Variants in ARTN observed in about 807,000 individuals in gnomAD.
ARTN encodes neublastin.
ARTN carries 9 observed loss-of-function variants against 15.4 expected under a neutral mutation model. The ratio of observed to expected loss-of-function variants is 0.58; its 90% CI spans 0.35 to 1.02. The LOEUF (loss-of-function observed/expected upper bound fraction) is 1.02. Among genes scored for constraint, ARTN ranks in the 50% least tolerant of loss-of-function variants. The pLI is 0.02. For synonymous variants in ARTN, 163 were observed against 155.8 expected (o/e 1.05, Z -0.35); for missense variants, 284 against 327.9 (o/e 0.87, Z 1.03).
Position 43,936,861 on chromosome 1 carries a change from A to G in ARTN, c.*96A>G. On this transcript the variant is annotated 3_prime_UTR_variant, in exon 5 of 5. Coordinates refer to ENST00000372359, the MANE Select transcript of ARTN (RefSeq NM_057091.3). The surrounding 1 kb of genome is among the most constrained non-coding windows in gnomAD (Gnocchi z 6.6). The stretch of plus-strand genomic sequence containing the variant: ...GTCCCACTAGCCAGCGGCCTCAGCC[A>G]GGGACGAAGGCCTCAAAGCTGAGAG... 2 of 1,320,320 alleles carry G rather than the reference A, an allele frequency of 1.5e-6. No individual in the cohort carries two copies. Among genetic ancestry groups the G allele is most frequent in the Non-Finnish European group, 1.9e-6 (2 of 1,029,986 alleles). The allele number at this position is 1,320,320 out of a possible 1,614,324, so 81.8% of individuals were successfully genotyped here. A position where few individuals can be genotyped will look rare whatever the true frequency, so the allele number is the denominator to read the frequency against.
rs773215597 is a variant in ARTN, at chr1:43,935,654, G to C, written c.-3G>C. Reference sequence around the variant, plus strand: ...CTGATGGGCGCTCCTGGTGTTGATAGAGATGGAACTTGGACTTGGAGGCCT... The same window carrying C: ...CTGATGGGCGCTCCTGGTGTTGATACAGATGGAACTTGGACTTGGAGGCCT... On this transcript the variant is annotated 5_prime_UTR_variant, in exon 3 of 5. Transcript: ENST00000372359. The C allele has an allele frequency of 1.2e-6, 2 of 1,613,434 alleles. No individual in the cohort carries two copies. Among genetic ancestry groups the C allele is most frequent in the African/African-American group, 1.3e-5 (1 of 74,912 alleles).
chr1:43,936,647 C>A lies in ARTN; in HGVS notation c.545C>A (p.Pro182His). 1 of 1,595,056 alleles carries A rather than the reference C, an allele frequency of 6.3e-7. No individual in the cohort carries two copies. Among genetic ancestry groups the A allele is most frequent in the Non-Finnish European group, 8.5e-7 (1 of 1,171,384 alleles). The stretch of plus-strand genomic sequence containing the variant: ...CTGCGACCGCCCCCGGGCTCCCGGC[C>A]CGTCAGCCAGCCCTGCTGCCGACCC... ...GALRPPPGSR[P>H]VSQPCCRPTR... Residue 182 changes from proline to histidine, a missense_variant, in exon 5 of 5, where the codon CCC becomes CAC. Pro to His is a moderately conservative substitution (Grantham distance 77). Transcript: ENST00000372359. This position sits in a 1 kb window ranked among gnomAD's most constrained non-coding sequence, Gnocchi z 6.6.
At position 43,936,459 on chromosome 1, in the gene ARTN, G is replaced by C. The variant is rs2085098187; in HGVS notation, c.357G>C (p.Gly119=). Residue 119 remains glycine, a synonymous_variant, in exon 5 of 5, where the codon GGG becomes GGC. Transcript: ENST00000372359. The surrounding 1 kb of genome is among the most constrained non-coding windows in gnomAD (Gnocchi z 6.6). ...GGPGSRARAA[G]ARGCRLRSQL... ...CGGGCAGCCGCGCTCGGGCAGCGGG[G>C]GCGCGGGGCTGCCGCCTGCGCTCGC... The C allele has an allele frequency of 8.5e-7, 1 of 1,175,370 alleles. No individual in the cohort carries two copies. The highest frequency in any genetic ancestry group is 1.6e-5 in the African/African-American group (1 of 61,856). The allele number at this position is 1,175,370 out of a possible 1,614,324, so 72.8% of individuals were successfully genotyped here. A position where few individuals can be genotyped will look rare whatever the true frequency, so the allele number is the denominator to read the frequency against.
chr1:43,936,480 C>G lies in ARTN; in HGVS notation c.378C>G (p.Arg126=). ...CGGGGGCGCGGGGCTGCCGCCTGCG[C>G]TCGCAGCTGGTGCCGGTGCGCGCGC... ...RAAGARGCRL[R]SQLVPVRALG... Residue 126 remains arginine (R), a synonymous_variant, in exon 5 of 5, where the codon CGC becomes CGG. Transcript: ENST00000372359. This position sits in a 1 kb window ranked among gnomAD's most constrained non-coding sequence, Gnocchi z 6.6. 1 of 1,268,660 alleles carries G rather than the reference C, an allele frequency of 7.9e-7. No individual in the cohort carries two copies. The highest frequency in any genetic ancestry group is 9.9e-7 in the Non-Finnish European group (1 of 1,007,366). 78.6% of individuals were successfully genotyped at this position (1,268,660 alleles called of 1,614,324 possible).
At position 43,936,152 on chromosome 1, in the gene ARTN, C is replaced by T; in HGVS notation, c.120C>T (p.Ser40=). Residue 40 remains serine (S), a synonymous_variant, in exon 4 of 5, where the codon TCC becomes TCT. Transcript: ENST00000372359. The surrounding 1 kb of genome is among the most constrained non-coding windows in gnomAD (Gnocchi z 6.6). ...LALLSSVAEA[S]LGSAPRSPAP... ...TGCTGAGCAGCGTCGCAGAGGCCTC[C>T]CTGGGCTCCGCGCCCCGCAGCCCTG... The T allele has an allele frequency of 6.3e-7, 1 of 1,588,392 alleles. No individual in the cohort carries two copies. The highest frequency in any genetic ancestry group is 8.5e-7 in the Non-Finnish European group (1 of 1,173,492).
Position 43,935,554 on chromosome 1 carries a change from C to T in ARTN, c.-67-36C>T, listed in dbSNP as rs922733370. On this transcript the variant is annotated intron_variant, in intron 2 of 4. Transcript: ENST00000372359. Reference sequence around the variant, plus strand: ...GGAGAAACTGGGGTGGCAGGCCGGTCCCCCACAAAAGATAACTCATCTCTT... The same window carrying T: ...GGAGAAACTGGGGTGGCAGGCCGGTTCCCCACAAAAGATAACTCATCTCTT... 16 of 1,243,538 alleles carry T rather than the reference C, an allele frequency of 1.3e-5. No homozygotes were observed. The Admixed American group carries it at 3.5e-4, about 28-fold the overall frequency. The allele number at this position is 1,243,538 out of a possible 1,614,324, so 77.0% of individuals were successfully genotyped here.
intron 2 of ARTN, among the ~76,000 whole-genome samples, chr1:43,935,131 C>A (rs932871897): frequency 2.0e-5 from 3 of 152,152 alleles, no homozygotes; most frequent in Non-Finnish European, 4.4e-5. Context: ...GGCTCACTAT[C>A]ATTAGATAAC....
chr1:43,936,804 G>A lies in ARTN; in HGVS notation c.*39G>A, dbSNP rs781736783. On this transcript the variant is annotated 3_prime_UTR_variant, in exon 5 of 5. Transcript: ENST00000372359. The surrounding 1 kb of genome is among the most constrained non-coding windows in gnomAD (Gnocchi z 6.6). ...GGCTTTGCAGACTGGACCCTTACCG[G>A]TGGCTCTTCCTGCCTGGGACCCTCC... 4 of 1,393,430 alleles carry A rather than the reference G, an allele frequency of 2.9e-6. No individual in the cohort carries two copies. Among genetic ancestry groups the A allele is most frequent in the Non-Finnish European group, 3.8e-6 (4 of 1,066,330 alleles). 86.3% of individuals were successfully genotyped at this position (1,393,430 alleles called of 1,614,324 possible).
chr1:43,936,336 C>A lies in ARTN; in HGVS notation c.234C>A (p.Ala78=). 1 of 1,330,144 alleles carries A rather than the reference C, an allele frequency of 7.5e-7. No homozygotes were observed. The highest frequency in any genetic ancestry group is 2.0e-5 in the South Asian group (1 of 49,120). 82.4% of individuals were successfully genotyped at this position (1,330,144 alleles called of 1,614,324 possible). Residue 78 remains alanine, a synonymous_variant, in exon 5 of 5, where the codon GCC becomes GCA. Coordinates refer to ENST00000372359, the MANE Select transcript of ARTN (RefSeq NM_057091.3). The surrounding 1 kb of genome is among the most constrained non-coding windows in gnomAD (Gnocchi z 6.6). ...CGGCCCGCTGGTGCAGTGGAAGAGC[C>A]CGGCGGCCGCCGCCGCAGCCTTCTC... The part of the protein sequence containing the change: ...GRTARWCSGR[A]RRPPPQPSRP...
chr1:43,936,252 G>T lies in ARTN; in HGVS notation c.199+21G>T. On this transcript the variant is annotated intron_variant, in intron 4 of 4. Transcript: ENST00000372359. The surrounding 1 kb of genome is among the most constrained non-coding windows in gnomAD (Gnocchi z 6.6). ...GCCGGGTAGGTGAGAGGGCGAGGGG[G>T]CGGGGCGGGGCTGGCCCGGGACACC... 1.4e-6 allele frequency: 2 copies of T among 1,415,100 alleles called. No homozygotes were observed. Among genetic ancestry groups the T allele is most frequent in the Non-Finnish European group, 1.8e-6 (2 of 1,095,608 alleles). The allele number at this position is 1,415,100 out of a possible 1,614,324, so 87.7% of individuals were successfully genotyped here.
Position 43,935,701 on chromosome 1 carries a change from C to T in ARTN, c.45C>T (p.Pro15=). The change falls in exon 3 of 5, where the codon CCC becomes CCT. Residue 15 remains proline (P), a synonymous_variant. Transcript: ENST00000372359. ...GCCTCTCCACGCTGTCCCACTGCCC[C>T]TGGCCTAGGCAGCAGGTGAGTGGTT... ...LGGLSTLSHC[P]WPRQQPALWP... 1 of 1,612,882 alleles carries T rather than the reference C, an allele frequency of 6.2e-7. No homozygotes were observed. Among genetic ancestry groups the T allele is most frequent in the Non-Finnish European group, 8.5e-7 (1 of 1,179,460 alleles).
rs1034004428 is a variant in ARTN at position 43,935,790 on chromosome 1, T to C, written c.60+74T>C. ...TTGACTGGTGAGGGAGAGCAGGGCT[T>C]GGCTTGGGCAGCGGTTAGGTGTGGG... is the stretch of plus-strand genomic sequence containing the variant. On this transcript the variant is annotated intron_variant, in intron 3 of 4. Transcript: ENST00000372359. The C allele has an allele frequency of 3.4e-6, 5 of 1,452,288 alleles. No homozygotes were observed. The African/African-American group carries it at 7.1e-5, about 21-fold the overall frequency. The allele number at this position is 1,452,288 out of a possible 1,614,324, so 90.0% of individuals were successfully genotyped here. A position where few individuals can be genotyped will look rare whatever the true frequency, so the allele number is the denominator to read the frequency against.
chr1:43,935,853 G>C (rs1004632302), intron 3 of ARTN, 137 bp downstream of exon 3: 25 of 945,430 alleles, frequency 2.6e-5, no homozygotes, highest in Non-Finnish European at 3.9e-5. Flanking sequence ...TGAATGGGAG[G>C]AGGAGCGGGA....
intron 3 of ARTN, 105 bp from the exon 4 acceptor site, chr1:43,935,988 G>T (rs777968596): frequency 4.7e-6 from 7 of 1,500,834 alleles, no homozygotes; most frequent in Non-Finnish European, 6.5e-6. Context: ...GCCCATGCCC[G>T]GCCTGATCTC....
At position 43,936,253 on chromosome 1, in the gene ARTN, C is replaced by G; in HGVS notation, c.199+22C>G. The G allele has an allele frequency of 7.1e-7, 1 of 1,413,104 alleles. No individual in the cohort carries two copies. 87.5% of individuals were successfully genotyped at this position (1,413,104 alleles called of 1,614,324 possible). ...CCGGGTAGGTGAGAGGGCGAGGGGGCGGGGCGGGGCTGGCCCGGGACACCG... is the reference window on the plus strand; with the variant it reads ...CCGGGTAGGTGAGAGGGCGAGGGGGGGGGGCGGGGCTGGCCCGGGACACCG... On this transcript the variant is annotated intron_variant, in intron 4 of 4. Transcript: ENST00000372359. This position sits in a 1 kb window ranked among gnomAD's most constrained non-coding sequence, Gnocchi z 6.6.
Position 43,936,863 on chromosome 1 carries a change from G to A in ARTN, c.*98G>A. 1.5e-6 allele frequency: 2 copies of A among 1,319,224 alleles called. No individual in the cohort carries two copies. Among genetic ancestry groups the A allele is most frequent in the Middle Eastern group, 2.8e-4 (1 of 3,622 alleles). The allele number at this position is 1,319,224 out of a possible 1,614,324, so 81.7% of individuals were successfully genotyped here. A position where few individuals can be genotyped will look rare whatever the true frequency, so the allele number is the denominator to read the frequency against. The stretch of plus-strand genomic sequence containing the variant: ...CCCACTAGCCAGCGGCCTCAGCCAG[G>A]GACGAAGGCCTCAAAGCTGAGAGGC... On this transcript the variant is annotated 3_prime_UTR_variant, in exon 5 of 5. Transcript: ENST00000372359. This position sits in a 1 kb window ranked among gnomAD's most constrained non-coding sequence, Gnocchi z 6.6.
At chr1:43,934,342 C>T (rs2085069648) in intron 2 of ARTN, 82 bp downstream of exon 2, 1 of 152,776 alleles carries the variant, frequency 6.5e-6, no homozygotes, top group Admixed American at 6.5e-5. Flanking sequence ...GAGGCAGGGC[C>T]TGAGCTGCCC....
At position 43,936,612 on chromosome 1, in the gene ARTN, C is replaced by T. The variant is rs1485556901; in HGVS notation, c.510C>T (p.Gly170=). Residue 170 remains glycine (G), a synonymous_variant, in exon 5 of 5, where the codon GGC becomes GGT. Transcript: ENST00000372359. This position sits in a 1 kb window ranked among gnomAD's most constrained non-coding sequence, Gnocchi z 6.6. ...PHDLSLASLL[G]AGALRPPPGS... Reference sequence around the variant, plus strand: ...ACCTCAGCCTGGCCAGCCTACTGGGCGCCGGGGCCCTGCGACCGCCCCCGG... The same window carrying T: ...ACCTCAGCCTGGCCAGCCTACTGGGTGCCGGGGCCCTGCGACCGCCCCCGG... 8.2e-6 allele frequency: 13 copies of T among 1,591,844 alleles called. No homozygotes were observed. Among genetic ancestry groups the T allele is most frequent in the Non-Finnish European group, 1.1e-5 (13 of 1,170,124 alleles).
intron 2 of ARTN, among the ~76,000 whole-genome samples, chr1:43,935,056 A>G (rs563382922): frequency 6.6e-6 from 1 of 152,346 alleles, no homozygotes; most frequent in South Asian, 2.1e-4. Context: ...CTCTGGGTCC[A>G]GAACACAGTT....
Sources: allele counts gnomAD v4.1 joint callset (sites outside exome capture counted in the v4.1 genomes callset), GRCh38; gene constraint gnomAD v4.1.1; non-coding constraint Gnocchi (gnomAD v3.1); transcripts MANE v1.5; gene names NCBI Gene and HGNC (gene_info 2026-07-23, HGNC 2026-07-21).